KCNMA1: variants seen among roughly 807,000 people sequenced by gnomAD.
The protein encoded by KCNMA1 is potassium calcium-activated channel subfamily M alpha 1.
KCNMA1 carries 29 observed loss-of-function variants against 140.0 expected under a neutral mutation model. That is an observed-to-expected ratio of 0.21 (90% CI 0.15 to 0.28). KCNMA1 has a LOEUF of 0.28. Ranked by LOEUF, KCNMA1 falls within the 10% of genes least tolerant of loss-of-function variation. The pLI is 1.00. For synonymous variants in KCNMA1, 612 were observed against 611.9 expected, an observed-to-expected ratio of 1.00 and a Z score of 0.00; for missense variants, 880 against 1,602.2, an observed-to-expected ratio of 0.55 and a Z score of 7.70.
In KCNMA1 at chr10:77,585,326, C is replaced by T. The variant is rs80290335; in HGVS notation, c.378+51939G>A. 9.0e-3 allele frequency among the ~76,000 whole-genome samples: 1,367 copies of T among 152,282 alleles called. 12 individuals are homozygous for T. The highest frequency in any genetic ancestry group is 0.052 in the East Asian group (269 of 5,156). ...TAACTTAAAATGTCTGTTTCCTCTT[C>T]TCTCATATGAGGACAAGCATGGTAC... On this transcript the variant is annotated intron_variant, in intron 1 of 27. Coordinates refer to ENST00000286628, the MANE Select transcript of KCNMA1 (RefSeq NM_001161352.2).
chr10:77,008,803 CTTCTCCAACTTA>C (rs1335918076), intron 18 of KCNMA1, among the ~76,000 whole-genome samples: 3 of 152,244 alleles, frequency 2.0e-5, no homozygotes, highest in Non-Finnish European at 2.9e-5. Context: ...GGTCAGCTGT[CTTCTCCAACTTA>C]GAGAGGGAAC....
At chr10:77,123,671 G>A (rs2097675090) in intron 5 of KCNMA1, among the ~76,000 whole-genome samples, 1 of 152,142 alleles carries the variant, frequency 6.6e-6, no homozygotes, top group South Asian at 2.1e-4. Context: ...ACCTCAGATA[G>A]TGCCAAATCC....
intron 1 of KCNMA1, among the ~76,000 whole-genome samples, chr10:77,571,329 G>A (rs143694249): frequency 1.2e-4 from 19 of 152,310 alleles, no homozygotes; most frequent in African/African-American, 4.3e-4. Flanking sequence ...CAAGGCTTGA[G>A]CTACAAGTAT....
At chr10:77,425,268 T>A (rs2096958650) in intron 1 of KCNMA1, among the ~76,000 whole-genome samples, 1 of 152,186 alleles carries the variant, frequency 6.6e-6, no homozygotes, top group Non-Finnish European at 1.5e-5. Flanking sequence ...TTGGTTACCC[T>A]CACCTGAATT....
intron 1 of KCNMA1, among the ~76,000 whole-genome samples, chr10:77,478,484 G>A (rs570069707): frequency 2.0e-5 from 3 of 152,296 alleles, no homozygotes; most frequent in African/African-American, 7.2e-5. Flanking sequence ...TCTTACATTT[G>A]CAGTCAGGAC....
chr10:76,920,518 C>T (rs1240447086), intron 23 of KCNMA1, among the ~76,000 whole-genome samples: 3 of 152,148 alleles, frequency 2.0e-5, no homozygotes, highest in East Asian at 3.9e-4. Context: ...TAAGCCACCA[C>T]GCCATATTGC....
At chr10:76,921,625 C>A (rs1462749006) in intron 23 of KCNMA1, among the ~76,000 whole-genome samples, 1 of 152,118 alleles carries the variant, frequency 6.6e-6, no homozygotes, top group East Asian at 1.9e-4. Context: ...GAATAGCTCC[C>A]CTGAGCAACT....
At chr10:76,918,908 A>G (rs1337407997) in intron 23 of KCNMA1, among the ~76,000 whole-genome samples, 1 of 136,938 alleles carries the variant, frequency 7.3e-6, no homozygotes, top group Non-Finnish European at 1.5e-5. Flanking sequence ...ACACACATAT[A>G]TATATCACAT....
intron 2 of KCNMA1, among the ~76,000 whole-genome samples, chr10:77,327,707 A>C (rs1308037208): frequency 6.6e-6 from 1 of 152,126 alleles, no homozygotes; most frequent in East Asian, 1.9e-4. Context: ...GTGAGAAACC[A>C]GACCCCACTG....
intron 19 of KCNMA1, among the ~76,000 whole-genome samples, chr10:76,985,305 G>A (rs919207101): frequency 6.6e-6 from 1 of 152,164 alleles, no homozygotes; most frequent in Non-Finnish European, 1.5e-5. Flanking sequence ...CTAACAACGT[G>A]TTATTAAAAG....
rs553505114 is a variant in KCNMA1, at chr10:76,951,924, G to A, written c.2484+1877C>T. The A allele has an allele frequency of 9.9e-5, 101 of 1,018,970 alleles. 1 individual carries two copies. Among genetic ancestry groups the A allele is most frequent in the African/African-American group, 1.7e-4 (11 of 62,928 alleles). 63.1% of individuals were successfully genotyped at this position (1,018,970 alleles called of 1,614,324 possible). On this transcript the variant is annotated intron_variant, in intron 21 of 27. Transcript: ENST00000286628. ...GAACACAAGCTCTGTGAGAGCAGTC[G>A]TTGTCAGGGATTGCATCTCCAGTAA... is the stretch of plus-strand genomic sequence containing the variant.
chr10:77,332,207 T>C (rs1055731305), intron 2 of KCNMA1, among the ~76,000 whole-genome samples: 8 of 151,940 alleles, frequency 5.3e-5, no homozygotes, highest in Non-Finnish European at 8.8e-5. Context: ...AGCTGAGACC[T>C]AAAGCGTGCA....
At chr10:76,998,983 C>T (rs1180219227) in intron 19 of KCNMA1, among the ~76,000 whole-genome samples, 3 of 152,142 alleles carry the variant, frequency 2.0e-5, no homozygotes, top group Non-Finnish European at 4.4e-5. Context: ...ACTGATGAAA[C>T]GGAGAAGGCA....
At chr10:77,194,623 C>T (rs776920827) in intron 3 of KCNMA1, among the ~76,000 whole-genome samples, 1 of 152,046 alleles carries the variant, frequency 6.6e-6, no homozygotes, top group Admixed American at 6.6e-5. Context: ...TAATGAGATG[C>T]CTGAGACGTA....
chr10:77,615,896 G>C (rs946058138), intron 1 of KCNMA1, among the ~76,000 whole-genome samples: 1 of 152,124 alleles, frequency 6.6e-6, no homozygotes, highest in Non-Finnish European at 1.5e-5. Flanking sequence ...TAAAATAAAG[G>C]CCAACTTCAT....
chr10:77,198,585 ATATATATATT>A (rs1478003538), intron 3 of KCNMA1, among the ~76,000 whole-genome samples: 39 of 147,490 alleles, frequency 2.6e-4, no homozygotes, highest in African/African-American at 8.4e-4. Flanking sequence ...ATATATATAT[ATATATATATT>A]TCTTAACATT....
chr10:77,368,679 T>C (rs2094506335), intron 2 of KCNMA1, among the ~76,000 whole-genome samples: 1 of 152,272 alleles, frequency 6.6e-6, no homozygotes, highest in Non-Finnish European at 1.5e-5. Context: ...CTTATATCTG[T>C]GATCCACTTT....
At chr10:77,573,719 AATAGAATAGG>A (rs2072869733) in intron 1 of KCNMA1, among the ~76,000 whole-genome samples, 1 of 125,576 alleles carries the variant, frequency 8.0e-6, no homozygotes, top group Admixed American at 8.6e-5. Context: ...AATAGAATAG[AATAGAATAGG>A]TCTGTACCTC....
At chr10:77,357,821 G>A (rs539311256) in intron 2 of KCNMA1, among the ~76,000 whole-genome samples, 5 of 152,228 alleles carry the variant, frequency 3.3e-5, no homozygotes, top group African/African-American at 1.2e-4. Flanking sequence ...TGAGGAGGAT[G>A]AGTCACAACT....
Sources: gnomAD v4.1 joint callset for allele counts (sites outside exome capture counted in the v4.1 genomes callset) on GRCh38, gnomAD v4.1.1 for gene constraint, MANE v1.5 for transcripts, NCBI Gene and HGNC (gene_info 2026-07-23, HGNC 2026-07-21) for gene names.